Variants in GPBP1 observed in about 807,000 individuals in gnomAD.
GPBP1 encodes vasculin.
GPBP1 carries 13 observed loss-of-function variants against 56.5 expected under a neutral mutation model. The observed-to-expected ratio is 0.23, with a 90% CI of 0.15 to 0.37. The LOEUF (loss-of-function observed/expected upper bound fraction) is 0.37. Among genes scored for constraint, GPBP1 ranks in the 10% least tolerant of loss-of-function variants. The pLI is 1.00. For synonymous variants in GPBP1, 204 were observed against 188.9 expected (o/e 1.08, Z -0.66); for missense variants, 477 against 572.3 (o/e 0.83, Z 1.70).
At chr5:57,177,790 C>T (rs940962518) in intron 2 of GPBP1, among the ~76,000 whole-genome samples, 12 of 151,200 alleles carry the variant, frequency 7.9e-5, no homozygotes, top group Non-Finnish European at 1.5e-4. Context: ...CCTGAGCCCA[C>T]GCGCCCGGCT....
At chr5:57,182,976 T>C (rs960413465) in intron 2 of GPBP1, among the ~76,000 whole-genome samples, 3 of 152,168 alleles carry the variant, frequency 2.0e-5, no homozygotes, top group Admixed American at 6.5e-5. Context: ...AGCCACTGCG[T>C]CTGGCCCCCT....
At chr5:57,178,421 T>A (rs931862505) in intron 2 of GPBP1, among the ~76,000 whole-genome samples, 2 of 152,118 alleles carry the variant, frequency 1.3e-5, no homozygotes, top group Non-Finnish European at 2.9e-5. Flanking sequence ...ATTTTTTGTA[T>A]TTTTAGTAGG....
intron 10 of GPBP1, among the ~76,000 whole-genome samples, chr5:57,258,709 G>A (rs996925117): frequency 3.3e-5 from 5 of 152,072 alleles, no homozygotes; most frequent in Non-Finnish European, 7.4e-5. Flanking sequence ...CTTAACTCCT[G>A]GGCTCAAGTG....
chr5:57,199,590 A>G (rs1561332801), intron 2 of GPBP1, among the ~76,000 whole-genome samples: 2 of 152,092 alleles, frequency 1.3e-5, no homozygotes, highest in African/African-American at 4.8e-5. Context: ...ACATGTGCAC[A>G]ACGTGCAGGT....
intron 10 of GPBP1, among the ~76,000 whole-genome samples, chr5:57,258,264 C>T (rs953332971): frequency 6.6e-6 from 1 of 152,158 alleles, no homozygotes; most frequent in Non-Finnish European, 1.5e-5. Context: ...TCATGCATTG[C>T]TTAATGACAG....
rs1741126475 is a variant in GPBP1 at position 57,247,126 on chromosome 5, C to T, written c.715C>T (p.Pro239Ser). The change falls in exon 8 of 12, where the codon CCT becomes TCT. Residue 239 changes from proline to serine, a missense_variant. Pro to Ser is a moderately conservative substitution (Grantham distance 74). Coordinates refer to ENST00000506184, the MANE Select transcript of GPBP1 (RefSeq NM_022913.4). ...AGAAAATAAAGTTGGAACTTCTTTC[C>T]CTCATGAGTCCACATTTGGCGTTGG... Reference protein sequence around the residue: ...TKENKVGTSFPHESTFGVGNF... With the variant: ...TKENKVGTSFSHESTFGVGNF... The T allele has an allele frequency of 1.2e-5, 19 of 1,613,546 alleles. No individual in the cohort carries two copies. Among genetic ancestry groups the T allele is most frequent in the Non-Finnish European group, 1.6e-5 (19 of 1,179,672 alleles).
At chr5:57,176,714 G>A (rs1004041018) in intron 2 of GPBP1, among the ~76,000 whole-genome samples, 3 of 152,158 alleles carry the variant, frequency 2.0e-5, no homozygotes, top group Non-Finnish European at 4.4e-5. Context: ...ATTCACAGTG[G>A]TAGAAAGGTA....
intron 6 of GPBP1, among the ~76,000 whole-genome samples, chr5:57,239,927 T>G (rs528269909): frequency 1.3e-5 from 2 of 152,230 alleles, no homozygotes; most frequent in South Asian, 4.1e-4. Flanking sequence ...TTGGTCTGTG[T>G]ATGTACTATT....
At chr5:57,218,945 G>T (rs1269677862) in intron 3 of GPBP1, among the ~76,000 whole-genome samples, 2 of 152,154 alleles carry the variant, frequency 1.3e-5, no homozygotes, top group Admixed American at 1.3e-4. Context: ...GATTTTGGAA[G>T]GTTAACTGAA....
In GPBP1 at chr5:57,235,922, ATTTATTT is replaced by A. The variant is rs748394818; in HGVS notation, c.412-41_412-35del. On this transcript the variant is annotated intron_variant, in intron 5 of 11. Transcript: ENST00000506184. Reference sequence around the variant, plus strand: ...ATGATTCTGAGATTGGTTTTAAATGATTTATTTTTAAAATGTGAAATGTTTATTCCAA... The same window carrying A: ...ATGATTCTGAGATTGGTTTTAAATGATTAAAATGTGAAATGTTTATTCCAA... 4 of 1,372,588 alleles carry A rather than the reference ATTTATTT, an allele frequency of 2.9e-6. No individual in the cohort carries two copies. The African/African-American group carries it at 5.7e-5, about 20-fold the overall frequency. 85.0% of individuals were successfully genotyped at this position (1,372,588 alleles called of 1,614,324 possible). A position where few individuals can be genotyped will look rare whatever the true frequency, so the allele number is the denominator to read the frequency against.
chr5:57,180,901 C>T (rs1427770242), intron 2 of GPBP1, among the ~76,000 whole-genome samples: 1 of 152,242 alleles, frequency 6.6e-6, no homozygotes, highest in African/African-American at 2.4e-5. Context: ...ACCACCACGC[C>T]CAGCTAATTT....
At chr5:57,235,705 G>A (rs1189243389) in intron 5 of GPBP1, among the ~76,000 whole-genome samples, 1 of 152,026 alleles carries the variant, frequency 6.6e-6, no homozygotes, top group Non-Finnish European at 1.5e-5. Context: ...TTTGGATTTT[G>A]GATTTTTTTC....
At chr5:57,213,976 G>T in intron 2 of GPBP1, 98 bp from the exon 3 acceptor site, 5 of 568,698 alleles carry the variant, frequency 8.8e-6, no homozygotes, top group Non-Finnish European at 1.3e-5. Flanking sequence ...ATTATAAATA[G>T]AATCCTATAG....
At chr5:57,214,351 T>A (rs1318133229) in intron 3 of GPBP1, among the ~76,000 whole-genome samples, 158 bp downstream of exon 3, 4 of 152,146 alleles carry the variant, frequency 2.6e-5, no homozygotes, top group African/African-American at 9.7e-5. Context: ...TTTGGGAGGC[T>A]GAGGTGGGTG....
chr5:57,225,491 C>CAAAAAAA (rs554699501), intron 3 of GPBP1, among the ~76,000 whole-genome samples: 4 of 38,104 alleles, frequency 1.0e-4, no homozygotes, highest in Admixed American at 3.1e-4. Context: ...GATTCCTTCT[C>CAAAAAAA]AAAAAAAAAA....
intron 3 of GPBP1, among the ~76,000 whole-genome samples, chr5:57,226,285 G>C (rs1439787816): frequency 6.6e-6 from 1 of 152,134 alleles, no homozygotes; most frequent in Admixed American, 6.6e-5. Flanking sequence ...TTACTTATTG[G>C]TGGTTCCCAA....
chr5:57,240,808 C>G (rs1049675867), intron 6 of GPBP1, among the ~76,000 whole-genome samples: 1 of 151,964 alleles, frequency 6.6e-6, no homozygotes, highest in Non-Finnish European at 1.5e-5. Flanking sequence ...AACCCTGTCA[C>G]TACTAAAAAT....
rs1195132549 is a variant in GPBP1 at position 57,249,409 on chromosome 5, T to A, written c.805T>A (p.Cys269Ser). Residue 269 changes from cysteine to serine, a missense_variant and splice_region_variant, in exon 9 of 12, where the codon TGT becomes AGT. By Grantham distance (112) the Cys-to-Ser change is moderately radical. Coordinates refer to ENST00000506184, the MANE Select transcript of GPBP1 (RefSeq NM_022913.4). ...FSPSTNSVKE[C>S]NRSNSSSPVD... is the part of the protein sequence containing the mutation. The stretch of plus-strand genomic sequence containing the variant: ...TCAGTATTTCTGAATTTCCTCTTAG[T>A]GTAATCGCTCAAATTCCTCTTCTCC... The A allele has an allele frequency of 6.3e-7, 1 of 1,591,998 alleles. No homozygotes were observed. Among genetic ancestry groups the A allele is most frequent in the Non-Finnish European group, 8.5e-7 (1 of 1,172,278 alleles).
rs756064042 is a variant in GPBP1, at chr5:57,176,034, G to A, written c.-424G>A. 4 of 398,360 alleles carry A rather than the reference G, an allele frequency of 1.0e-5. No individual in the cohort carries two copies. The highest frequency in any genetic ancestry group is 1.8e-5 in the Non-Finnish European group (4 of 226,032). 24.7% of individuals were successfully genotyped at this position (398,360 alleles called of 1,614,324 possible). A position where few individuals can be genotyped will look rare whatever the true frequency, so the allele number is the denominator to read the frequency against. On this transcript the variant is annotated 5_prime_UTR_variant, in exon 2 of 12. Coordinates refer to ENST00000506184, the MANE Select transcript of GPBP1 (RefSeq NM_022913.4). ...TATTGAGATAGCTATGTGTGTCTCT[G>A]TATATGCTGATGTTTAGGAATGCTC...
Sources: gnomAD v4.1 joint callset for allele counts (sites outside exome capture counted in the v4.1 genomes callset) on GRCh38, gnomAD v4.1.1 for gene constraint, MANE v1.5 for transcripts, NCBI Gene and HGNC (gene_info 2026-07-23, HGNC 2026-07-21) for gene names.